ABCB11: variants seen among roughly 807,000 people sequenced by gnomAD.
ABCB11 encodes the protein ATP binding cassette subfamily B member 11.
A neutral mutation model predicts 148.0 loss-of-function variants in ABCB11; 95 were observed. The observed-to-expected ratio is 0.64, with a 90% confidence interval of 0.54 to 0.76. ABCB11 has a LOEUF of 0.76. ABCB11 is among the 30% of genes least tolerant of loss of function. The pLI is 0.00. For synonymous variants in ABCB11, 591 were observed against 555.4 expected, an observed-to-expected ratio of 1.06 and a Z score of -0.90; for missense variants, 1,523 against 1,617.8, an observed-to-expected ratio of 0.94 and a Z score of 1.01.
At chr2:168,918,830 T>C (rs1690995570), downstream of ABCB11, among the ~76,000 whole-genome samples, 1 of 152,238 alleles carries the variant, frequency 6.6e-6, no homozygotes, top group African/African-American at 2.4e-5. Flanking sequence ...GACTCCCTTC[T>C]GTTCTGGTGA....
intron 1 of ABCB11, among the ~76,000 whole-genome samples, chr2:169,030,322 T>C (rs1695829114): frequency 1.3e-5 from 2 of 151,378 alleles, no homozygotes; most frequent in Admixed American, 6.6e-5. Flanking sequence ...CCAGAGACAA[T>C]CACAGTGTTA....
chr2:168,997,732 C>G (rs1171173884), intron 5 of ABCB11, among the ~76,000 whole-genome samples: 1 of 151,858 alleles, frequency 6.6e-6, no homozygotes, highest in African/African-American at 2.4e-5. Flanking sequence ...GAACTCAGGT[C>G]AAGCATTGCA....
chr2:168,971,848 T>C lies in ABCB11; in HGVS notation c.1637A>G (p.Gln546Arg). 1 of 1,612,398 alleles carries C rather than the reference T, an allele frequency of 6.2e-7. No homozygotes were observed. The highest frequency in any genetic ancestry group is 1.1e-5 in the South Asian group (1 of 91,034). The change falls in exon 14 of 28, where the codon CAG becomes CGG. Residue 546 changes from glutamine to arginine, a missense_variant and splice_region_variant. Coordinates refer to ENST00000650372, the MANE Select transcript of ABCB11 (RefSeq NM_003742.4). ...CCAGGAATGTATGGCTAGGGGTACCTGTGGCAGGTCCATGATGAAGTTGTA... is the reference window on the plus strand; with the variant it reads ...CCAGGAATGTATGGCTAGGGGTACCCGTGGCAGGTCCATGATGAAGTTGTA... The part of the protein sequence containing the change: ...NAYNFIMDLP[Q>R]QFDTLVGEGG...
intron 5 of ABCB11, among the ~76,000 whole-genome samples, chr2:169,000,848 T>C (rs527897593): frequency 6.6e-6 from 1 of 152,302 alleles, no homozygotes; most frequent in Non-Finnish European, 1.5e-5. Flanking sequence ...GGCTTAAATA[T>C]GTCATTTTCT....
chr2:168,979,019 C>T, intron 11 of ABCB11, among the ~76,000 whole-genome samples: 1 of 152,166 alleles, frequency 6.6e-6, no homozygotes, highest in East Asian at 1.9e-4. Context: ...CATGCCTGGC[C>T]TGTTCTTGGA....
intron 14 of ABCB11, among the ~76,000 whole-genome samples, chr2:168,970,743 T>C (rs1270282344): frequency 6.6e-6 from 1 of 152,042 alleles, no homozygotes; most frequent in African/African-American, 2.4e-5. Flanking sequence ...CTTATCTTGC[T>C]TATTACTAAC....
chr2:168,921,267 C>T lies in ABCB11; in HGVS notation c.*2355G>A, dbSNP rs1426718144. On this transcript the variant is annotated 3_prime_UTR_variant, in exon 28 of 28. Transcript: ENST00000650372. ...ATCTTTGCTGTTATATACCAGGAAA[C>T]ACTGGAAAAGAGACATAAATAATAT... is the stretch of plus-strand genomic sequence containing the variant. Among the ~76,000 whole-genome samples the T allele has an allele frequency of 6.6e-6, 1 of 152,158 alleles. No homozygotes were observed. Among genetic ancestry groups the T allele is most frequent in the East Asian group, 1.9e-4 (1 of 5,190 alleles).
Position 168,930,832 on chromosome 2 carries a change from C to A in ABCB11, c.3244G>T (p.Asp1082Tyr), listed in dbSNP as rs973967505. 2 of 1,607,030 alleles carry A rather than the reference C, an allele frequency of 1.2e-6. No individual in the cohort carries two copies. The highest frequency in any genetic ancestry group is 1.3e-5 in the African/African-American group (1 of 74,936). ...CGAGAAGGATATGTAAATTTACAATCAACAAAATCAATCTTCCCCTGGAAG... is the reference window on the plus strand; with the variant it reads ...CGAGAAGGATATGTAAATTTACAATAAACAAAATCAATCTTCCCCTGGAAG... ...DNFQGKIDFV[D>Y]CKFTYPSRPD... is the part of the protein sequence containing the mutation. The change falls in exon 25 of 28, where the codon GAT becomes TAT. Residue 1082 changes from aspartate (D) to tyrosine (Y), a missense_variant. Transcript: ENST00000650372.
downstream of ABCB11, among the ~76,000 whole-genome samples, chr2:168,916,628 T>C (rs1690945946): frequency 6.6e-6 from 1 of 152,218 alleles, no homozygotes. Flanking sequence ...AAATTGGAAA[T>C]GGGTTTAGAG....
At chr2:168,935,829 G>A (rs769372415) in intron 22 of ABCB11, among the ~76,000 whole-genome samples, 4 of 152,192 alleles carry the variant, frequency 2.6e-5, no homozygotes, top group Non-Finnish European at 5.9e-5. Context: ...AAAGGCATGT[G>A]CCATTAAAAC....
At chr2:168,944,984 A>C (rs1236563014) in intron 19 of ABCB11, 23 bp from the exon 20 acceptor site, 1 of 1,402,788 alleles carries the variant, frequency 7.1e-7, no homozygotes, top group African/African-American at 1.5e-5. Context: ...GTAAACAAGA[A>C]AGTAACTTTA....
rs1691623259 is a variant in ABCB11, at chr2:168,932,551, C to T, written c.3057-18G>A. On this transcript the variant is annotated intron_variant, in intron 23 of 27. Coordinates refer to ENST00000650372, the MANE Select transcript of ABCB11 (RefSeq NM_003742.4). ...AGATCACCCTGTAACCAGACAGACA[C>T]ACAGGAAGAGAGCAGGGTGGCGTGG... The T allele has an allele frequency of 1.9e-6, 3 of 1,611,742 alleles. No individual in the cohort carries two copies. The highest frequency in any genetic ancestry group is 1.7e-6 in the Non-Finnish European group (2 of 1,178,798).
chr2:168,972,907 T>C (rs767888071), intron 13 of ABCB11, among the ~76,000 whole-genome samples: 1 of 152,068 alleles, frequency 6.6e-6, no homozygotes, highest in Non-Finnish European at 1.5e-5. Flanking sequence ...TCTCTGACTC[T>C]CTGCTTCCTT....
At chr2:168,971,713 CA>C in intron 14 of ABCB11, 133 bp downstream of exon 14, 1 of 769,704 alleles carries the variant, frequency 1.3e-6, no homozygotes, top group Non-Finnish European at 2.1e-6. Context: ...GGTACTTTTT[CA>C]GGCATGAAAC....
chr2:169,004,358 G>C (rs925202687), intron 5 of ABCB11, among the ~76,000 whole-genome samples: 1 of 152,062 alleles, frequency 6.6e-6, no homozygotes, highest in Non-Finnish European at 1.5e-5. Context: ...TGGAAGCTTT[G>C]TTCATTTTTT....
intron 25 of ABCB11, among the ~76,000 whole-genome samples, chr2:168,930,220 T>A (rs1363516744): frequency 6.6e-6 from 1 of 152,226 alleles, no homozygotes; most frequent in African/African-American, 2.4e-5. Context: ...CTTGCGTTAT[T>A]TAGATTTCAG....
intron 8 of ABCB11, among the ~76,000 whole-genome samples, chr2:168,993,257 T>C (rs1694600597): frequency 6.6e-6 from 1 of 152,046 alleles, no homozygotes; most frequent in Non-Finnish European, 1.5e-5. Context: ...TGGGAGGACA[T>C]GGAGAACAAT....
intron 7 of ABCB11, among the ~76,000 whole-genome samples, 186 bp from the exon 8 acceptor site, chr2:168,994,068 T>C (rs1467604114): frequency 6.6e-6 from 1 of 152,110 alleles, no homozygotes; most frequent in Non-Finnish European, 1.5e-5. Flanking sequence ...GCCTCTTTCC[T>C]GATAGCCAAT....
downstream of ABCB11, among the ~76,000 whole-genome samples, chr2:168,917,569 C>G (rs184207508): frequency 5.3e-5 from 8 of 152,288 alleles, no homozygotes; most frequent in East Asian, 1.5e-3. Context: ...AGCATTTTAA[C>G]CACTTCTGAT....
Sources: gnomAD v4.1 joint callset for allele counts (sites outside exome capture counted in the v4.1 genomes callset) on GRCh38, gnomAD v4.1.1 for gene constraint, MANE v1.5 for transcripts, NCBI Gene and HGNC (gene_info 2026-07-23, HGNC 2026-07-21) for gene names.